CTNNA2: variants seen among roughly 807,000 people sequenced by gnomAD.
The protein encoded by CTNNA2 is catenin alpha 2.
In CTNNA2, 42 loss-of-function variants were observed where a neutral mutation model predicts 101.0. The observed-to-expected ratio is 0.42, with a 90% CI of 0.32 to 0.54. The LOEUF (loss-of-function observed/expected upper bound fraction) is 0.54. CTNNA2 is among the 20% of genes least tolerant of loss of function. CTNNA2 has a pLI of 0.14. For synonymous variants in CTNNA2, 450 were observed against 456.4 expected, an observed-to-expected ratio of 0.99 and a Z score of 0.18; for missense variants, 871 against 1,223.1, an observed-to-expected ratio of 0.71 and a Z score of 4.29.
chr2:79,506,137 AC>A (rs1168560576), intron 5 of CTNNA2, among the ~76,000 whole-genome samples: 1 of 152,196 alleles, frequency 6.6e-6, no homozygotes, highest in Non-Finnish European at 1.5e-5. Context: ...CAAATGAAAT[AC>A]TACAGGAAAA....
Position 80,018,679 on chromosome 2 carries a change from G to A in CTNNA2, c.1056+108882G>A, listed in dbSNP as rs540739626. 5.3e-3 allele frequency among the ~76,000 whole-genome samples: 804 copies of A among 152,044 alleles called. 6 individuals carry two copies. The highest frequency in any genetic ancestry group is 0.019 in the African/African-American group (771 of 41,458). On this transcript the variant is annotated intron_variant, in intron 7 of 18. Coordinates refer to ENST00000402739, the MANE Select transcript of CTNNA2 (RefSeq NM_001282597.3). ...GCCTGTAGTCCCAGCTACTCGGGAGGCTGAGGCAGGAGAATCGTTTGAACC... is the reference window on the plus strand; with the variant it reads ...GCCTGTAGTCCCAGCTACTCGGGAGACTGAGGCAGGAGAATCGTTTGAACC...
chr2:80,055,284 C>A (rs1697146333), intron 7 of CTNNA2, among the ~76,000 whole-genome samples: 1 of 152,122 alleles, frequency 6.6e-6, no homozygotes, highest in Non-Finnish European at 1.5e-5. Context: ...CCAACTTTGC[C>A]TCCCTAAGTA....
At chr2:79,814,232 A>C (rs1677283324) in intron 3 of CTNNA2, among the ~76,000 whole-genome samples, 1 of 152,014 alleles carries the variant, frequency 6.6e-6, no homozygotes, top group African/African-American at 2.4e-5. Context: ...GAATTTTTCA[A>C]AAATATTTTT....
chr2:79,414,242 C>A lies in CTNNA2; in HGVS notation c.-135+40229C>A, dbSNP rs560588977. On this transcript the variant is annotated intron_variant, in intron 4 of 21. Transcript: ENST00000466387. ...CTAGGTTTCTCTCATCCCTGAGTTA[C>A]AATCTAAGGCTAGTTTTACGACTAA... Among the ~76,000 whole-genome samples, 10 of 151,988 alleles carry A rather than the reference C, an allele frequency of 6.6e-5. No individual in the cohort carries two copies. The South Asian group carries it at 1.0e-3, about 16-fold the overall frequency.
At chr2:80,269,195 C>G (rs760499067) in intron 7 of CTNNA2, among the ~76,000 whole-genome samples, 1 of 152,172 alleles carries the variant, frequency 6.6e-6, no homozygotes, top group Non-Finnish European at 1.5e-5. Context: ...ATAATCCCCA[C>G]GTGTGGTGGC....
chr2:79,610,023 T>C (rs1345363678), intron 1 of CTNNA2, among the ~76,000 whole-genome samples: 2 of 152,120 alleles, frequency 1.3e-5, no homozygotes, highest in Non-Finnish European at 1.5e-5. Context: ...TTGCAAAGTA[T>C]ATATCTGATA....
chr2:79,768,480 T>G (rs371908759), intron 3 of CTNNA2, among the ~76,000 whole-genome samples: 1 of 151,654 alleles, frequency 6.6e-6, no homozygotes, highest in African/African-American at 2.4e-5. Flanking sequence ...GTGGCAGGGG[T>G]GATCGGTGGA....
chr2:80,320,131 C>T (rs1678533657), intron 7 of CTNNA2, among the ~76,000 whole-genome samples: 1 of 152,146 alleles, frequency 6.6e-6, no homozygotes, highest in Admixed American at 6.5e-5. Flanking sequence ...TAAATTTCTT[C>T]ATCTAAAAAA....
chr2:80,206,645 C>A (rs2149028094), intron 7 of CTNNA2, among the ~76,000 whole-genome samples: 1 of 152,284 alleles, frequency 6.6e-6, no homozygotes, highest in South Asian at 2.1e-4. Context: ...GTGTTACCTG[C>A]ATCTTGTACT....
intron 2 of CTNNA2, among the ~76,000 whole-genome samples, chr2:79,309,787 T>C (rs1298554183): frequency 6.6e-6 from 1 of 152,184 alleles, no homozygotes; most frequent in East Asian, 1.9e-4. Flanking sequence ...TTTGGTCTGC[T>C]GGTGCCTAGT....
At chr2:80,542,841 A>G (rs1691692909) in intron 9 of CTNNA2, among the ~76,000 whole-genome samples, 1 of 150,648 alleles carries the variant, frequency 6.6e-6, no homozygotes, top group Admixed American at 6.6e-5. Context: ...TTAAATACAT[A>G]TATCTTTCTA....
intron 1 of CTNNA2, among the ~76,000 whole-genome samples, chr2:79,597,549 G>C (rs1324618411): frequency 6.6e-6 from 1 of 151,956 alleles, no homozygotes; most frequent in African/African-American, 2.4e-5. Flanking sequence ...CTGTGGCCGT[G>C]ATAGATCTGA....
rs1420832512 is a variant in CTNNA2, at chr2:80,049,140, A to G, written c.1056+139343A>G. ...AAATATTTTGAAATTGTAGGATGAA[A>G]CTTTGTAGTTAAATATCTTCTTAAT... On this transcript the variant is annotated intron_variant, in intron 7 of 18. Coordinates refer to ENST00000402739, the MANE Select transcript of CTNNA2 (RefSeq NM_001282597.3). Among the ~76,000 whole-genome samples, 5 of 152,176 alleles carry G rather than the reference A, an allele frequency of 3.3e-5. No individual in the cohort carries two copies. In the South Asian group the frequency reaches 6.2e-4, roughly 19 times the overall value.
At position 80,334,662 on chromosome 2, in the gene CTNNA2, T is replaced by C. The variant is rs537347151; in HGVS notation, c.1057-58549T>C. Among the ~76,000 whole-genome samples, 3 of 152,362 alleles carry C rather than the reference T, an allele frequency of 2.0e-5. No individual in the cohort carries two copies. In the South Asian group the frequency reaches 6.2e-4, roughly 32 times the overall value. ...CTTATTTGTGATTGCTTTGCCCTTCTTTACCTATCAGTTTTTCTCTGACTT... is the reference window on the plus strand; with the variant it reads ...CTTATTTGTGATTGCTTTGCCCTTCCTTACCTATCAGTTTTTCTCTGACTT... On this transcript the variant is annotated intron_variant, in intron 7 of 18. Transcript: ENST00000402739.
intron 2 of CTNNA2, among the ~76,000 whole-genome samples, chr2:79,696,095 G>A (rs963453233): frequency 4.6e-5 from 7 of 151,940 alleles, no homozygotes; most frequent in African/African-American, 1.7e-4. Context: ...AGGTCAGATG[G>A]GAATGGAAGT....
chr2:79,867,351 C>T (rs1009892959), intron 4 of CTNNA2, among the ~76,000 whole-genome samples: 30 of 152,070 alleles, frequency 2.0e-4, no homozygotes, highest in Non-Finnish European at 3.2e-4. Flanking sequence ...ATCTGTCTAT[C>T]TATCAATCAT....
At chr2:80,236,004 C>A (rs1709533142) in intron 7 of CTNNA2, among the ~76,000 whole-genome samples, 2 of 152,140 alleles carry the variant, frequency 1.3e-5, no homozygotes, top group African/African-American at 2.4e-5. Context: ...TTGTTTCCTT[C>A]TTTGTGTTCA....
intron 18 of CTNNA2, among the ~76,000 whole-genome samples, chr2:80,619,869 G>C (rs1343430767): frequency 6.6e-6 from 1 of 151,890 alleles, no homozygotes; most frequent in Non-Finnish European, 1.5e-5. Flanking sequence ...CCCTGATGCT[G>C]TTTCATAGGG....
intron 3 of CTNNA2, among the ~76,000 whole-genome samples, chr2:79,846,177 A>AT (rs1680219461): frequency 6.6e-6 from 1 of 152,246 alleles, no homozygotes; most frequent in East Asian, 1.9e-4. Flanking sequence ...TACTTGGAAC[A>AT]TTTTTTCTAG....
Sources: allele counts gnomAD v4.1 joint callset (sites outside exome capture counted in the v4.1 genomes callset), GRCh38; gene constraint gnomAD v4.1.1; transcripts MANE v1.5; gene names NCBI Gene and HGNC (gene_info 2026-07-23, HGNC 2026-07-21).